Variants in TUBG1 observed in about 807,000 individuals in gnomAD.
TUBG1 encodes tubulin gamma 1.
Under a neutral mutation model 53.3 loss-of-function variants are expected in TUBG1, and 22 were observed. That is an observed-to-expected ratio of 0.41 (90% confidence interval 0.29 to 0.59). The LOEUF is 0.59. Ranked by LOEUF, TUBG1 falls within the 20% of genes least tolerant of loss-of-function variation. The probability of loss-of-function intolerance (pLI) is 0.26; values close to 1 mark genes in which losing one functional copy is unlikely to be tolerated. For missense variants in TUBG1, 217 were observed against 598.9 expected (o/e 0.36, Z 6.66); for synonymous variants, 198 against 236.7 (o/e 0.84, Z 1.50).
Position 42,610,530 on chromosome 17 carries a change from C to T in TUBG1, c.270C>T (p.Asn90=), listed in dbSNP as rs772352865. 1.4e-5 allele frequency: 23 copies of T among 1,614,106 alleles called. No individual in the cohort carries two copies. Among genetic ancestry groups the T allele is most frequent in the Non-Finnish European group, 1.9e-5 (22 of 1,179,958 alleles). Residue 90 remains asparagine, a synonymous_variant, in exon 3 of 11, where the codon AAC becomes AAT. Coordinates refer to ENST00000251413, the MANE Select transcript of TUBG1 (RefSeq NM_001070.5). ...ATGCCAAGCTCTACAACCCAGAGAACATCTACCTGTCGGAACATGGAGGAG... is the reference window on the plus strand; with the variant it reads ...ATGCCAAGCTCTACAACCCAGAGAATATCTACCTGTCGGAACATGGAGGAG... The part of the protein sequence containing the change: ...SPYAKLYNPE[N]IYLSEHGGGA...
intron 6 of TUBG1, 88 bp from the exon 7 acceptor site, chr17:42,613,559 A>G (rs1415489968): frequency 1.3e-6 from 2 of 1,598,934 alleles, no homozygotes; most frequent in African/African-American, 1.3e-5. Context: ...ATGAAGCTCA[A>G]AGGAAATTAA....
rs754425251 is a variant in TUBG1, at chr17:42,614,690, A to C, written c.1158+33A>C. On this transcript the variant is annotated intron_variant, in intron 10 of 10. Transcript: ENST00000251413. The surrounding 1 kb of genome is among the most constrained non-coding windows in gnomAD (Gnocchi z 5.1). ...TCAAAGTTTGCACCTTTTTTCCCTG[A>C]ATCAGTTTCCTGACTATACCTCACC... 1.2e-6 allele frequency: 2 copies of C among 1,612,276 alleles called. No homozygotes were observed. The highest frequency in any genetic ancestry group is 2.2e-5 in the East Asian group (1 of 44,856).
chr17:42,614,322 C>T lies in TUBG1; in HGVS notation c.906C>T (p.Asn302=), dbSNP rs1236772197. 1.3e-5 allele frequency: 21 copies of T among 1,613,832 alleles called. No homozygotes were observed. The Admixed American group carries it at 1.3e-4, about 10-fold the overall frequency. ...TGAGGCGGCTGCTGCAGCCCAAGAACGTGATGGTGTCCACAGGCCGAGACC... is the reference window on the plus strand; with the variant it reads ...TGAGGCGGCTGCTGCAGCCCAAGAATGTGATGGTGTCCACAGGCCGAGACC... The part of the protein sequence containing the change: ...DVMRRLLQPK[N]VMVSTGRDRQ... The change falls in exon 9 of 11, where the codon AAC becomes AAT. Residue 302 remains asparagine, a synonymous_variant. Coordinates refer to ENST00000251413, the MANE Select transcript of TUBG1 (RefSeq NM_001070.5). The surrounding 1 kb of genome is among the most constrained non-coding windows in gnomAD (Gnocchi z 5.1).
rs746200343 is a variant in TUBG1, at chr17:42,612,180, G to A, written c.399+37G>A. The A allele has an allele frequency of 1.8e-5, 29 of 1,605,704 alleles. 1 individual carries two copies. In the South Asian group the frequency reaches 2.8e-4, roughly 15 times the overall value. On this transcript the variant is annotated intron_variant, in intron 4 of 10. Transcript: ENST00000251413. ...AGGAATGCTGGTAGGAGCCGACATG[G>A]GCAAGGCTTGGCAGCACCCTCTAGA...
intron 5 of TUBG1, 45 bp from the exon 6 acceptor site, chr17:42,612,902 A>G: frequency 6.2e-7 from 1 of 1,609,548 alleles, no homozygotes; most frequent in Non-Finnish European, 8.5e-7. Context: ...CATGTTCACC[A>G]GGCCTTCGGT....
Position 42,613,955 on chromosome 17 carries a change from A to C in TUBG1, c.800A>C (p.His267Pro). Residue 267 changes from histidine (H) to proline (P), a missense_variant, in exon 8 of 11, where the codon CAC becomes CCC. Coordinates refer to ENST00000251413, the MANE Select transcript of TUBG1 (RefSeq NM_001070.5). ...IASLIPTPRL[H>P]FLMTGYTPLT... ...TCGCTCATTCCCACCCCACGGCTCCACTTCCTCATGACCGGCTACACCCCT... is the reference window on the plus strand; with the variant it reads ...TCGCTCATTCCCACCCCACGGCTCCCCTTCCTCATGACCGGCTACACCCCT... 6.2e-7 allele frequency: 1 copy of C among 1,613,964 alleles called. No homozygotes were observed.
rs370447571 is a variant in TUBG1, at chr17:42,614,430, A to G, written c.996+18A>G. 45 of 1,613,970 alleles carry G rather than the reference A, an allele frequency of 2.8e-5. No homozygotes were observed. The highest frequency in any genetic ancestry group is 1.6e-4 in the Middle Eastern group (1 of 6,078). On this transcript the variant is annotated intron_variant, in intron 9 of 10. Transcript: ENST00000251413. The surrounding 1 kb of genome is among the most constrained non-coding windows in gnomAD (Gnocchi z 5.1). ...CCACCCAGGTAGGGGAGGCCCCTTC[A>G]TCCCACACCCTGGACCTGCAGGGGT...
chr17:42,613,105 C>T (rs1309659656), intron 6 of TUBG1, 32 bp downstream of exon 6: 1 of 1,610,806 alleles, frequency 6.2e-7, no homozygotes, highest in Non-Finnish European at 8.5e-7. Flanking sequence ...TCCCAACTCT[C>T]AACACCCCAT....
intron 3 of TUBG1, 135 bp downstream of exon 3, chr17:42,610,725 A>G: frequency 3.8e-6 from 5 of 1,304,282 alleles, no homozygotes; most frequent in South Asian, 2.8e-5. Flanking sequence ...GGAGTGGACT[A>G]TGTAATATTG....
intron 3 of TUBG1, 42 bp from the exon 4 acceptor site, chr17:42,612,033 C>T: frequency 6.2e-7 from 1 of 1,603,194 alleles, no homozygotes; most frequent in Non-Finnish European, 8.5e-7. Flanking sequence ...AGAGACCTCC[C>T]ATGGTTCTGT....
intron 7 of TUBG1, 27 bp downstream of exon 7, chr17:42,613,760 G>A (rs1188553240): frequency 6.2e-7 from 1 of 1,614,086 alleles, no homozygotes; most frequent in Non-Finnish European, 8.5e-7. Flanking sequence ...GGACTCCTTT[G>A]GACTTGAAGC....
In TUBG1 at chr17:42,612,059, C is replaced by T. The variant is rs558457693; in HGVS notation, c.331-16C>T. ...ATGGTTCTGTCCCACTCTGACCCTC[C>T]CCTATGTCTGTACAGGGAGAAAAGA... On this transcript the variant is annotated splice_polypyrimidine_tract_variant and intron_variant, in intron 3 of 10. Transcript: ENST00000251413. 10 of 1,613,904 alleles carry T rather than the reference C, an allele frequency of 6.2e-6. No homozygotes were observed. The South Asian group carries it at 9.9e-5, about 16-fold the overall frequency.
chr17:42,613,396 C>T (rs565647329), intron 6 of TUBG1, among the ~76,000 whole-genome samples: 2 of 151,166 alleles, frequency 1.3e-5, no homozygotes, highest in South Asian at 2.1e-4. Flanking sequence ...GCACTCCAGC[C>T]GGGGTGACAA....
Position 42,612,937 on chromosome 17 carries a change from C to T in TUBG1, c.480-10C>T. On this transcript the variant is annotated splice_polypyrimidine_tract_variant and intron_variant, in intron 5 of 10. Transcript: ENST00000251413. ...TCTGTTGCCCTGATCCTTTCCCCAA[C>T]CCCCACCAGGTATCCTAAGAAGCTG... 1.2e-6 allele frequency: 2 copies of T among 1,613,774 alleles called. No homozygotes were observed. The highest frequency in any genetic ancestry group is 1.3e-5 in the African/African-American group (1 of 75,026).
intron 5 of TUBG1, 151 bp downstream of exon 5, chr17:42,612,657 G>A: frequency 1.2e-6 from 1 of 817,424 alleles, no homozygotes; most frequent in East Asian, 2.6e-5. Context: ...CAATGACTGA[G>A]AACCCCATCA....
At position 42,613,642 on chromosome 17, in the gene TUBG1, C is replaced by G. The variant is rs1246229735; in HGVS notation, c.607-5C>G. ...TTGATCTGTGATCCTCTTCTGTCCCCCCAGGTGGTGCTGGACAACACAGCC... is the reference window on the plus strand; with the variant it reads ...TTGATCTGTGATCCTCTTCTGTCCCGCCAGGTGGTGCTGGACAACACAGCC... On this transcript the variant is annotated splice_region_variant and splice_polypyrimidine_tract_variant and intron_variant, in intron 6 of 10. Transcript: ENST00000251413. 1 of 1,613,972 alleles carries G rather than the reference C, an allele frequency of 6.2e-7. No individual in the cohort carries two copies. Among genetic ancestry groups the G allele is most frequent in the Admixed American group, 1.7e-5 (1 of 59,990 alleles).
At chr17:42,612,328 G>C (rs776366527) in intron 4 of TUBG1, 99 bp from the exon 5 acceptor site, 2 of 1,432,446 alleles carry the variant, frequency 1.4e-6, no homozygotes, top group Non-Finnish European at 1.9e-6. Context: ...TGGGAAGCAA[G>C]GGCTCGGGAA....
rs375902188 is a variant in TUBG1, at chr17:42,615,117, A to G, written c.*76A>G. The G allele has an allele frequency of 9.8e-5, 144 of 1,476,794 alleles. No individual in the cohort carries two copies. In the African/African-American group the frequency reaches 1.8e-3, roughly 18 times the overall value. The allele number at this position is 1,476,794 out of a possible 1,614,324, so 91.5% of individuals were successfully genotyped here. ...GCCTGACTGACCACCCCCTCAGAGC[A>G]CAGATCAGGGACCTCACGCATCTCT... On this transcript the variant is annotated 3_prime_UTR_variant, in exon 11 of 11. Transcript: ENST00000251413.
chr17:42,609,897 G>A (rs1158204641), intron 1 of TUBG1, 111 bp downstream of exon 1: 1 of 1,442,462 alleles, frequency 6.9e-7, no homozygotes, highest in Non-Finnish European at 9.3e-7. Context: ...TCTCTGAAAG[G>A]CGAGACATCC....
Sources: gnomAD v4.1 joint callset for allele counts (sites outside exome capture counted in the v4.1 genomes callset) on GRCh38, gnomAD v4.1.1 for gene constraint, Gnocchi (gnomAD v3.1) non-coding constraint, MANE v1.5 for transcripts, NCBI Gene and HGNC (gene_info 2026-07-23, HGNC 2026-07-21) for gene names.